The following ASPH variants were observed in gnomAD, a reference collection of about 807,000 sequenced individuals.
The protein encoded by ASPH is aspartate beta-hydroxylase, also known as aspartyl/asparaginyl beta-hydroxylase.
ASPH carries 100 observed loss-of-function variants against 118.4 expected under a neutral mutation model. That is an observed-to-expected ratio of 0.84 (90% confidence interval 0.72 to 1.00). ASPH has a LOEUF of 1.00. Ranked by LOEUF, ASPH falls within the 50% of genes least tolerant of loss-of-function variation. ASPH has a pLI of 0.00. For synonymous variants in ASPH, 315 were observed against 325.6 expected (o/e 0.97, Z 0.35); for missense variants, 920 against 919.5 (o/e 1.00, Z -0.01).
rs1317649228 is a variant in ASPH, at chr8:61,555,975, G to C, written c.1485C>G (p.Gly495=). ...TTTTGTTCTGTGCCTTCAGGATGAA[G>C]CCATAATGGACTTTAGCAAAGCCAT... ...PNDGFAKVHY[G]FILKAQNKIA... is the part of the protein sequence containing the mutation. Residue 495 remains glycine (G), a synonymous_variant, in exon 19 of 25, where the codon GGC becomes GGG. Coordinates refer to ENST00000379454, the MANE Select transcript of ASPH (RefSeq NM_004318.4). The C allele has an allele frequency of 6.2e-7, 1 of 1,613,928 alleles. No homozygotes were observed. The highest frequency in any genetic ancestry group is 8.5e-7 in the Non-Finnish European group (1 of 1,180,006).
At chr8:61,710,438 C>T (rs1292704563) in intron 1 of ASPH, among the ~76,000 whole-genome samples, 1 of 152,170 alleles carries the variant, frequency 6.6e-6, no homozygotes, top group Non-Finnish European at 1.5e-5. Context: ...GTCATACATT[C>T]ATTTTCTAAT....
At chr8:61,675,696 A>T in intron 3 of ASPH, 2 of 1,008,014 alleles carry the variant, frequency 2.0e-6, no homozygotes, top group Non-Finnish European at 2.4e-6. Flanking sequence ...ATCATAATTA[A>T]TAGTGTGTTA....
chr8:61,644,954 T>G (rs573881261), intron 6 of ASPH, among the ~76,000 whole-genome samples: 1 of 152,208 alleles, frequency 6.6e-6, no homozygotes, highest in Non-Finnish European at 1.5e-5. Context: ...CACAACCCAC[T>G]AGAATGTGCT....
rs1169882086 is a variant in ASPH, at chr8:61,696,635, C to T, written c.104-12447G>A. On this transcript the variant is annotated intron_variant, in intron 1 of 24. Transcript: ENST00000379454. ...AACGTAATTATTTCTCCCTACAGAG[C>T]ACTCAATAGAGAAGACGGTCTCATA... Among the ~76,000 whole-genome samples the T allele has an allele frequency of 5.3e-5, 8 of 150,030 alleles. No homozygotes were observed. The East Asian group carries it at 1.6e-3, about 30-fold the overall frequency.
At chr8:61,598,846 C>T (rs574101426) in intron 14 of ASPH, among the ~76,000 whole-genome samples, 22 of 152,174 alleles carry the variant, frequency 1.4e-4, no homozygotes, top group Middle Eastern at 3.4e-3. Flanking sequence ...AGAGAAACTT[C>T]GGAAATTTTA....
At position 61,525,866 on chromosome 8, in the gene ASPH, G is replaced by A. The variant is rs529634810; in HGVS notation, c.1900+111C>T. The A allele has an allele frequency of 1.4e-4, 208 of 1,467,154 alleles. 1 individual carries two copies. The East Asian group carries it at 4.2e-3, about 30-fold the overall frequency. The allele number at this position is 1,467,154 out of a possible 1,614,324, so 90.9% of individuals were successfully genotyped here. On this transcript the variant is annotated intron_variant, in intron 22 of 24. Transcript: ENST00000379454. ...AAATCTAGGTTTTTTTGGGCCCCTCGTTTAAGCCTGGGAATCCCAGCTCTG... is the reference window on the plus strand; with the variant it reads ...AAATCTAGGTTTTTTTGGGCCCCTCATTTAAGCCTGGGAATCCCAGCTCTG...
intron 14 of ASPH, among the ~76,000 whole-genome samples, chr8:61,595,049 A>C (rs1842153625): frequency 6.6e-6 from 1 of 152,208 alleles, no homozygotes; most frequent in Admixed American, 6.5e-5. Flanking sequence ...TATTTTTTAG[A>C]TATCATCTGA....
intron 1 of ASPH, among the ~76,000 whole-genome samples, chr8:61,713,569 A>T (rs1389113382): frequency 6.6e-6 from 1 of 152,234 alleles, no homozygotes; most frequent in Non-Finnish European, 1.5e-5. Flanking sequence ...GAGACGAAAC[A>T]GATTTAAAAA....
chr8:61,546,500 C>G (rs544384915), intron 21 of ASPH, among the ~76,000 whole-genome samples: 48 of 152,234 alleles, frequency 3.2e-4, no homozygotes, highest in Non-Finnish European at 5.4e-4. Flanking sequence ...TAAATGTAGC[C>G]GACCTATCAA....
At chr8:61,683,395 T>C (rs1249804760) in intron 2 of ASPH, among the ~76,000 whole-genome samples, 1 of 152,054 alleles carries the variant, frequency 6.6e-6, no homozygotes, top group Non-Finnish European at 1.5e-5. Flanking sequence ...GAATCATTAA[T>C]GTAAAAAATC....
intron 16 of ASPH, among the ~76,000 whole-genome samples, chr8:61,571,243 T>C (rs1833393110): frequency 6.6e-6 from 1 of 152,184 alleles, no homozygotes; most frequent in African/African-American, 2.4e-5. Flanking sequence ...CATTGAAGCA[T>C]AATAGCATAG....
chr8:61,576,680 T>C (rs1835258708), intron 16 of ASPH, 92 bp downstream of exon 16: 16 of 1,106,200 alleles, frequency 1.4e-5, no homozygotes, highest in Admixed American at 2.2e-5. Context: ...GTAGAGAAAT[T>C]AGAAAGGGAA....
chr8:61,575,405 G>C (rs1174744989), intron 16 of ASPH, among the ~76,000 whole-genome samples: 1 of 152,052 alleles, frequency 6.6e-6, no homozygotes, highest in Admixed American at 6.5e-5. Flanking sequence ...CATGTCTGTT[G>C]GCTGTTCTCT....
chr8:61,675,900 G>T, intron 3 of ASPH: 1 of 1,410,530 alleles, frequency 7.1e-7, no homozygotes. Context: ...TGGGGGAGCT[G>T]AGCGAGCAAG....
chr8:61,606,768 A>C (rs1845687091), intron 14 of ASPH: 2 of 152,408 alleles, frequency 1.3e-5, no homozygotes, highest in African/African-American at 4.8e-5. Flanking sequence ...GGTTTTTAAG[A>C]CAAGACTCTA....
chr8:61,656,273 G>A (rs1423973250), intron 3 of ASPH: 1 of 152,188 alleles, frequency 6.6e-6, no homozygotes, highest in East Asian at 1.9e-4. Flanking sequence ...GCTTATAATG[G>A]TTGGGTAGGA....
At chr8:61,706,242 G>C (rs1383588969) in intron 1 of ASPH, among the ~76,000 whole-genome samples, 1 of 151,262 alleles carries the variant, frequency 6.6e-6, no homozygotes, top group African/African-American at 2.4e-5. Flanking sequence ...GGCCAACACG[G>C]CAAAACCCCA....
rs78814180 is a variant in ASPH, at chr8:61,648,282, C to T, written c.491-1404G>A. On this transcript the variant is annotated intron_variant, in intron 5 of 24. Coordinates refer to ENST00000379454, the MANE Select transcript of ASPH (RefSeq NM_004318.4). ...GTACTGCTACTGAATCCCCCTACCC[C>T]ACAACCCCAGCCCAGACTGCAAGAA... 2.4e-3 allele frequency among the ~76,000 whole-genome samples: 373 copies of T among 152,312 alleles called. 1 individual carries two copies. The East Asian group carries it at 0.037, about 15-fold the overall frequency.
intron 18 of ASPH, among the ~76,000 whole-genome samples, chr8:61,560,107 C>G (rs373094566): frequency 1.3e-5 from 2 of 152,198 alleles, no homozygotes; most frequent in African/African-American, 4.8e-5. Context: ...GCACATTCTG[C>G]GTGTGTTTCA....
Sources: allele counts gnomAD v4.1 joint callset (sites outside exome capture counted in the v4.1 genomes callset), GRCh38; gene constraint gnomAD v4.1.1; transcripts MANE v1.5; gene names NCBI Gene and HGNC (gene_info 2026-07-23, HGNC 2026-07-21).